KIFAP3: variants seen among roughly 807,000 people sequenced by gnomAD.
The protein encoded by KIFAP3 is kinesin associated protein 3, also known as kinesin-associated protein 3.
A neutral mutation model predicts 106.5 loss-of-function variants in KIFAP3; 68 were observed. That is an observed-to-expected ratio of 0.64 (90% CI 0.53 to 0.78). KIFAP3 has a LOEUF of 0.78. Ranked by LOEUF, KIFAP3 falls within the 30% of genes least tolerant of loss-of-function variation. The pLI is 0.00. For missense variants in KIFAP3, 780 were observed against 941.8 expected (o/e 0.83, Z 2.25); for synonymous variants, 320 against 311.5 (o/e 1.03, Z -0.29).
chr1:170,084,505 T>C (rs1672072533), intron 1 of KIFAP3, among the ~76,000 whole-genome samples: 1 of 152,180 alleles, frequency 6.6e-6, no homozygotes, highest in Non-Finnish European at 1.5e-5. Context: ...GCTTTCATAA[T>C]AGCAGCATGA....
At chr1:169,955,828 C>T (rs1438883009) in intron 18 of KIFAP3, among the ~76,000 whole-genome samples, 2 of 151,956 alleles carry the variant, frequency 1.3e-5, no homozygotes, top group Non-Finnish European at 2.9e-5. Context: ...TTTATGTCCA[C>T]TAGAAGTTAA....
intron 11 of KIFAP3, among the ~76,000 whole-genome samples, chr1:169,989,271 A>T (rs950410177): frequency 6.6e-6 from 1 of 152,034 alleles, no homozygotes; most frequent in South Asian, 2.1e-4. Flanking sequence ...GAAGAATAGG[A>T]TAACTCCAAA....
chr1:170,034,456 C>T lies in KIFAP3; in HGVS notation c.658G>A (p.Gly220Arg). Residue 220 changes from glycine (G) to arginine (R), a missense_variant, in exon 7 of 20, where the codon GGA becomes AGA. Coordinates refer to ENST00000361580, the MANE Select transcript of KIFAP3 (RefSeq NM_014970.4). ...FHGLITHYKI[G>R]ALCMNIIDHE... is the part of the protein sequence containing the mutation. ...TCAATAATATTCATACACAGAGCTC[C>T]AATTTTATAGTGAGTAATAAGTCCA... The T allele has an allele frequency of 1.9e-6, 3 of 1,556,838 alleles. No individual in the cohort carries two copies. Among genetic ancestry groups the T allele is most frequent in the Non-Finnish European group, 2.6e-6 (3 of 1,134,044 alleles).
intron 10 of KIFAP3, among the ~76,000 whole-genome samples, chr1:170,012,747 G>A (rs1433234306): frequency 6.6e-6 from 1 of 151,864 alleles, no homozygotes; most frequent in Non-Finnish European, 1.5e-5. Flanking sequence ...CCCAAGACGG[G>A]GTAATTTATA....
In KIFAP3 at chr1:169,972,506, T is replaced by A; in HGVS notation, c.1983+7A>T. ...TTATACTTTGTGTAGAAAAAATAATTACTTACCGCTATAATATCTAATGTA... is the reference window on the plus strand; with the variant it reads ...TTATACTTTGTGTAGAAAAAATAATAACTTACCGCTATAATATCTAATGTA... On this transcript the variant is annotated splice_region_variant and intron_variant, in intron 17 of 19. Transcript: ENST00000361580. 7.8e-7 allele frequency: 1 copy of A among 1,277,788 alleles called. No homozygotes were observed. The highest frequency in any genetic ancestry group is 1.1e-6 in the Non-Finnish European group (1 of 884,930). The allele number at this position is 1,277,788 out of a possible 1,614,324, so 79.2% of individuals were successfully genotyped here.
chr1:170,042,644 G>T (rs1670040216), intron 3 of KIFAP3, among the ~76,000 whole-genome samples: 2 of 152,230 alleles, frequency 1.3e-5, no homozygotes, highest in Admixed American at 1.3e-4. Context: ...CTTGTTTTAT[G>T]TCCTTGAAAA....
intron 1 of KIFAP3, among the ~76,000 whole-genome samples, chr1:170,084,570 GACTC>G (rs1219810513): frequency 2.0e-5 from 3 of 152,170 alleles, no homozygotes; most frequent in Non-Finnish European, 2.9e-5. Context: ...GGAGGATAGA[GACTC>G]ACAGTAGGAC....
At chr1:169,952,333 C>T (rs145619174) in intron 19 of KIFAP3, among the ~76,000 whole-genome samples, 110 of 151,954 alleles carry the variant, frequency 7.2e-4, no homozygotes, top group African/African-American at 2.5e-3. Flanking sequence ...TAGTGAGTTG[C>T]AGTTTGCATT....
intron 19 of KIFAP3, among the ~76,000 whole-genome samples, chr1:169,939,330 G>A (rs1426367594): frequency 6.6e-6 from 1 of 152,146 alleles, no homozygotes; most frequent in Non-Finnish European, 1.5e-5. Context: ...GTGAAGAAAA[G>A]GGAGATAATA....
chr1:170,051,276 C>CA (rs1485152106), intron 2 of KIFAP3, among the ~76,000 whole-genome samples: 3 of 151,582 alleles, frequency 2.0e-5, no homozygotes, highest in Non-Finnish European at 4.4e-5. Context: ...TTCAATGCAA[C>CA]AAAAAGACCT....
chr1:170,026,612 G>C (rs1014070350), intron 8 of KIFAP3, among the ~76,000 whole-genome samples: 2 of 152,202 alleles, frequency 1.3e-5, no homozygotes, highest in Non-Finnish European at 2.9e-5. Flanking sequence ...AGAAGAAAGA[G>C]CTGAGCAGAG....
intron 1 of KIFAP3, among the ~76,000 whole-genome samples, chr1:170,060,580 T>C (rs772803815): frequency 1.3e-5 from 2 of 152,150 alleles, no homozygotes; most frequent in East Asian, 1.9e-4. Context: ...AAAATGGCCA[T>C]ACCGCCTAGG....
At chr1:170,081,648 G>A (rs1672022436) in intron 1 of KIFAP3, among the ~76,000 whole-genome samples, 1 of 152,134 alleles carries the variant, frequency 6.6e-6, no homozygotes, top group Admixed American at 6.5e-5. Flanking sequence ...CATCTCACAG[G>A]TCCTTCTTCT....
chr1:169,977,007 G>A (rs918154915), intron 16 of KIFAP3, among the ~76,000 whole-genome samples: 7 of 152,242 alleles, frequency 4.6e-5, no homozygotes, highest in Middle Eastern at 3.4e-3. Context: ...TTACAGGCAT[G>A]AGCCACTGTG....
intron 8 of KIFAP3, among the ~76,000 whole-genome samples, chr1:170,028,906 T>C (rs1669254949): frequency 6.6e-6 from 1 of 151,760 alleles, no homozygotes; most frequent in Non-Finnish European, 1.5e-5. Context: ...TTAAAAAATC[T>C]CAAATACGTA....
At chr1:169,970,201 C>A (rs992903010) in intron 17 of KIFAP3, among the ~76,000 whole-genome samples, 3 of 152,032 alleles carry the variant, frequency 2.0e-5, no homozygotes, top group Non-Finnish European at 4.4e-5. Flanking sequence ...TCTCTCCTTG[C>A]CTTCCTGCTC....
At chr1:170,076,628 G>A (rs1177929408), upstream of KIFAP3, among the ~76,000 whole-genome samples, 1 of 152,048 alleles carries the variant, frequency 6.6e-6, no homozygotes, top group Non-Finnish European at 1.5e-5. Flanking sequence ...AAAGAAAGAA[G>A]GATTTAATCT....
At position 170,016,592 on chromosome 1, in the gene KIFAP3, T is replaced by C; in HGVS notation, c.1053A>G (p.Lys351=). ...VEMDIVEKLV[K]MIPCEHEDLL... is the part of the protein sequence containing the mutation. ...GGTCTTCATGCTCACAAGGTATCAT[T>C]TTCACCAGTTTTTCAACAATATCCA... is the stretch of plus-strand genomic sequence containing the variant. Residue 351 remains lysine, a synonymous_variant, in exon 10 of 20, where the codon AAA becomes AAG. Coordinates refer to ENST00000361580, the MANE Select transcript of KIFAP3 (RefSeq NM_014970.4). The C allele has an allele frequency of 6.3e-7, 1 of 1,595,096 alleles. No individual in the cohort carries two copies. Among genetic ancestry groups the C allele is most frequent in the East Asian group, 2.3e-5 (1 of 43,898 alleles).
chr1:169,953,878 C>A, intron 19 of KIFAP3, 133 bp downstream of exon 19: 1 of 694,292 alleles, frequency 1.4e-6, no homozygotes, highest in Non-Finnish European at 2.6e-6. Context: ...ATCAAACAAA[C>A]ATGCCCTTGA....
Sources: gnomAD v4.1 joint callset for allele counts (sites outside exome capture counted in the v4.1 genomes callset) on GRCh38, gnomAD v4.1.1 for gene constraint, MANE v1.5 for transcripts, NCBI Gene and HGNC (gene_info 2026-07-23, HGNC 2026-07-21) for gene names.